PAM: variants seen among roughly 807,000 people sequenced by gnomAD.
PAM encodes the protein peptidylglycine alpha-amidating monooxygenase, also known as peptidyl-glycine alpha-amidating monooxygenase.
A neutral mutation model predicts 122.1 loss-of-function variants in PAM; 72 were observed. The observed-to-expected ratio is 0.59, with a 90% CI of 0.49 to 0.72. The LOEUF is 0.72. Among genes scored for constraint, PAM ranks in the 30% least tolerant of loss-of-function variants. The pLI, the probability that PAM is intolerant of heterozygous loss-of-function variation, is 0.00. For missense variants in PAM, 1,106 were observed against 1,183.7 expected, an observed-to-expected ratio of 0.93 and a Z score of 0.96; for synonymous variants, 389 against 404.4, an observed-to-expected ratio of 0.96 and a Z score of 0.46.
chr5:102,891,699 G>A (rs1289939016), intron 3 of PAM, among the ~76,000 whole-genome samples: 1 of 151,758 alleles, frequency 6.6e-6, no homozygotes, highest in Admixed American at 6.6e-5. Context: ...TGCTAAACTG[G>A]GAATGGGCAT....
chr5:102,884,146 C>G (rs374933273), intron 3 of PAM, among the ~76,000 whole-genome samples: 1 of 151,846 alleles, frequency 6.6e-6, no homozygotes, highest in African/African-American at 2.4e-5. Flanking sequence ...AACACTGGTT[C>G]CCTTGGCGAG....
intron 1 of PAM, among the ~76,000 whole-genome samples, chr5:102,844,317 C>CA (rs1779407453): frequency 6.6e-6 from 1 of 152,024 alleles, no homozygotes; most frequent in Non-Finnish European, 1.5e-5. Flanking sequence ...AAGATGTTAC[C>CA]ATAGGGGAAA....
chr5:102,861,471 T>C (rs1381793782), intron 1 of PAM, among the ~76,000 whole-genome samples: 3 of 152,194 alleles, frequency 2.0e-5, no homozygotes, highest in South Asian at 2.1e-4. Flanking sequence ...GCCTGTAATC[T>C]TCCATAGAGT....
intron 1 of PAM, among the ~76,000 whole-genome samples, chr5:102,855,199 G>C (rs1053360236): frequency 2.0e-5 from 3 of 152,054 alleles, no homozygotes; most frequent in African/African-American, 7.2e-5. Context: ...CAATTGAGCA[G>C]AATTATTCAA....
chr5:102,898,115 T>G (rs1796689358), intron 3 of PAM, among the ~76,000 whole-genome samples: 1 of 151,624 alleles, frequency 6.6e-6, no homozygotes, highest in Admixed American at 6.6e-5. Flanking sequence ...CAGAAAAATG[T>G]ACTTTTCTTG....
At chr5:102,939,153 A>C (rs7718209) in intron 7 of PAM, among the ~76,000 whole-genome samples, 7,922 of 152,204 alleles carry the variant, frequency 0.052, 284 homozygotes, top group South Asian at 0.13. Context: ...CTATTAGCAA[A>C]ATAAAATCAA....
Position 102,916,742 on chromosome 5 carries a change from C to CT in PAM, c.356+2731dup, listed in dbSNP as rs111822491. Among the ~76,000 whole-genome samples the CT allele has an allele frequency of 2.7e-3, 373 of 137,402 alleles. 2 individuals carry two copies. The highest frequency in any genetic ancestry group is 8.8e-3 in the African/African-American group (331 of 37,580). The allele number at this position is 137,402 out of a possible 152,430, so 90.1% of individuals were successfully genotyped here. ...ATATATCATATATTTATTTTATATT[C>CT]TTTTTTTTTTGACTGAGTCTCACTC... On this transcript the variant is annotated intron_variant, in intron 5 of 25. Transcript: ENST00000438793.
At chr5:102,806,174 G>A (rs1453631409) in intron 1 of PAM, among the ~76,000 whole-genome samples, 1 of 152,052 alleles carries the variant, frequency 6.6e-6, no homozygotes, top group Non-Finnish European at 1.5e-5. Flanking sequence ...ACCTTTATTT[G>A]CTTTTTCCAC....
chr5:102,883,616 A>G (rs1383593831), intron 3 of PAM, among the ~76,000 whole-genome samples: 1 of 151,916 alleles, frequency 6.6e-6, no homozygotes, highest in African/African-American at 2.4e-5. Flanking sequence ...TTTTTGGATG[A>G]ATCTTTAGGG....
intron 3 of PAM, among the ~76,000 whole-genome samples, chr5:102,882,110 TAC>T (rs58732753): frequency 7.7e-5 from 8 of 103,792 alleles, no homozygotes; most frequent in Admixed American, 2.1e-4. Context: ...TATATATATA[TAC>T]ACCACATTTT....
At position 102,856,192 on chromosome 5, in the gene PAM, CCA is replaced by C. The variant is rs369003087; in HGVS notation, c.-373-9629_-373-9628del. 1.6e-3 allele frequency among the ~76,000 whole-genome samples: 248 copies of C among 152,208 alleles called. 1 individual carries two copies. The highest frequency in any genetic ancestry group is 2.9e-3 in the Admixed American group (44 of 15,276). On this transcript the variant is annotated intron_variant, in intron 1 of 25. Transcript: ENST00000438793. ...TAAGGCAGAGTTCACAGAAGGTTGT[CCA>C]CCAAATAGCTCTGCAAAACCAGCCC...
chr5:102,899,135 A>G (rs967732162), intron 3 of PAM, among the ~76,000 whole-genome samples: 1 of 151,640 alleles, frequency 6.6e-6, no homozygotes, highest in African/African-American at 2.4e-5. Flanking sequence ...TAGGAAAGAA[A>G]TAGTGGAAAT....
chr5:102,891,565 C>A (rs1794805343), intron 3 of PAM, among the ~76,000 whole-genome samples: 1 of 151,772 alleles, frequency 6.6e-6, no homozygotes, highest in Admixed American at 6.6e-5. Context: ...ATAAGTACCC[C>A]ATGTCTGTTT....
chr5:102,900,254 T>TGTGGGGGGGGGGGG (rs777616737), intron 3 of PAM, among the ~76,000 whole-genome samples: 1 of 26,998 alleles, frequency 3.7e-5, no homozygotes, highest in African/African-American at 1.7e-4. Flanking sequence ...TGTGTGTGTG[T>TGTGGGGGGGGGGGG]GGGGGGGGGG....
intron 14 of PAM, among the ~76,000 whole-genome samples, chr5:102,970,122 T>A (rs1258381923): frequency 6.6e-6 from 1 of 152,030 alleles, no homozygotes; most frequent in South Asian, 2.1e-4. Context: ...GGAGAAGTCA[T>A]ACAACGGTGA....
At chr5:102,940,959 C>T (rs2151897974) in intron 7 of PAM, among the ~76,000 whole-genome samples, 2 of 152,108 alleles carry the variant, frequency 1.3e-5, no homozygotes, top group South Asian at 4.1e-4. Context: ...TAGCACTGTA[C>T]TTTAAAAAAA....
intron 3 of PAM, among the ~76,000 whole-genome samples, chr5:102,882,052 A>AATATAT (rs61367764): frequency 8.1e-4 from 50 of 62,024 alleles, no homozygotes; most frequent in Non-Finnish European, 1.0e-3. Flanking sequence ...TCCATCGTGG[A>AATATAT]ATATATATAT....
At chr5:102,894,136 C>G (rs952398415) in intron 3 of PAM, among the ~76,000 whole-genome samples, 2 of 151,450 alleles carry the variant, frequency 1.3e-5, no homozygotes, top group Non-Finnish European at 3.0e-5. Flanking sequence ...GGGTAAATAC[C>G]ATGGACAGCG....
intron 1 of PAM, among the ~76,000 whole-genome samples, chr5:102,850,908 T>G (rs374231373): frequency 6.6e-5 from 10 of 152,346 alleles, no homozygotes; most frequent in African/African-American, 2.2e-4. Context: ...GACTACCATT[T>G]GGTCTCAAAT....
Sources: gnomAD v4.1 joint callset for allele counts (sites outside exome capture counted in the v4.1 genomes callset) on GRCh38, gnomAD v4.1.1 for gene constraint, MANE v1.5 for transcripts, NCBI Gene and HGNC (gene_info 2026-07-23, HGNC 2026-07-21) for gene names.